Variants in RAD54B observed in about 807,000 individuals in gnomAD.
The protein encoded by RAD54B is DNA repair and recombination protein RAD54B.
RAD54B carries 78 observed loss-of-function variants against 95.8 expected under a neutral mutation model. That is an observed-to-expected ratio of 0.81 (90% CI 0.68 to 0.98). The LOEUF (loss-of-function observed/expected upper bound fraction) is 0.98, where lower values mean the gene tolerates loss of function less well. RAD54B is among the 50% of genes least tolerant of loss of function. The pLI, the probability that RAD54B is intolerant of heterozygous loss-of-function variation, is 0.00. For synonymous variants in RAD54B, 328 were observed against 354.9 expected, an observed-to-expected ratio of 0.92 and a Z score of 0.85; for missense variants, 957 against 1,056.6, an observed-to-expected ratio of 0.91 and a Z score of 1.31.
chr8:94,444,747 T>C (rs1357628146), intron 3 of RAD54B, among the ~76,000 whole-genome samples: 4 of 147,530 alleles, frequency 2.7e-5, no homozygotes, highest in African/African-American at 1.0e-4. Flanking sequence ...AACACCTGAC[T>C]ATAGGCCCCT....
intron 3 of RAD54B, among the ~76,000 whole-genome samples, chr8:94,453,480 G>A (rs1812713182): frequency 6.6e-6 from 1 of 152,106 alleles, no homozygotes; most frequent in Non-Finnish European, 1.5e-5. Flanking sequence ...AGTGAGCCGA[G>A]ATCACGCCAC....
At position 94,441,440 on chromosome 8, in the gene RAD54B, C is replaced by T. The variant is rs1337095248; in HGVS notation, c.304+16828G>A. 1.3e-5 allele frequency among the ~76,000 whole-genome samples: 2 copies of T among 152,086 alleles called. 1 individual carries two copies. Among genetic ancestry groups the T allele is most frequent in the Non-Finnish European group, 2.9e-5 (2 of 68,004 alleles). On this transcript the variant is annotated intron_variant, in intron 3 of 14. Transcript: ENST00000336148. ...CACAGAACTCCAGAAACACGCTTAC[C>T]AGTTTATTATAAAGGATATTACAAA...
intron 10 of RAD54B, 59 bp from the exon 11 acceptor site, chr8:94,387,218 A>G (rs1810910862): frequency 3.0e-6 from 4 of 1,351,156 alleles, no homozygotes; most frequent in Admixed American, 2.6e-5. Flanking sequence ...TTAGGAGGGG[A>G]AAATGCTAAA....
At chr8:94,473,093 C>A (rs1586048095) in intron 1 of RAD54B, among the ~76,000 whole-genome samples, 1 of 152,080 alleles carries the variant, frequency 6.6e-6, no homozygotes, top group African/African-American at 2.4e-5. Flanking sequence ...CCCAAAAGAC[C>A]ATTGCACCCT....
At chr8:94,428,688 T>C (rs1812004779) in intron 3 of RAD54B, 2 of 858,914 alleles carry the variant, frequency 2.3e-6, no homozygotes, top group Non-Finnish European at 2.8e-6. Context: ...CAATCCACAG[T>C]AGTTCAATCT....
intron 3 of RAD54B, among the ~76,000 whole-genome samples, chr8:94,435,934 C>T (rs1023115113): frequency 2.6e-5 from 4 of 151,946 alleles, no homozygotes; most frequent in Non-Finnish European, 4.4e-5. Flanking sequence ...TTATTTTAAA[C>T]GTGTTAGAAA....
chr8:94,422,637 T>A (rs1294453952), intron 3 of RAD54B, among the ~76,000 whole-genome samples: 5 of 105,852 alleles, frequency 4.7e-5, no homozygotes, highest in African/African-American at 7.0e-5. Flanking sequence ...TATATATATA[T>A]ATATATATAT....
chr8:94,409,310 G>A (rs960963492), intron 4 of RAD54B, among the ~76,000 whole-genome samples: 2 of 151,800 alleles, frequency 1.3e-5, no homozygotes, highest in African/African-American at 4.8e-5. Flanking sequence ...CTACCATACA[G>A]GCCAAATAAA....
intron 3 of RAD54B, among the ~76,000 whole-genome samples, chr8:94,436,330 T>C (rs1812258835): frequency 6.6e-6 from 1 of 152,090 alleles, no homozygotes; most frequent in Non-Finnish European, 1.5e-5. Context: ...ACAGAAAAAT[T>C]CCTCATAGCC....
At chr8:94,382,120 A>AC (rs1398055658) in intron 11 of RAD54B, among the ~76,000 whole-genome samples, 1 of 151,762 alleles carries the variant, frequency 6.6e-6, no homozygotes, top group Non-Finnish European at 1.5e-5. Context: ...TCTCAAAAAA[A>AC]AAAAAAAAAA....
intron 3 of RAD54B, among the ~76,000 whole-genome samples, chr8:94,417,307 C>G (rs186145570): frequency 3.3e-5 from 5 of 152,174 alleles, no homozygotes; most frequent in Admixed American, 3.3e-4. Context: ...TGAAAATATT[C>G]TGCAACTGGC....
chr8:94,460,030 T>C (rs958662202), intron 2 of RAD54B, among the ~76,000 whole-genome samples: 2 of 149,118 alleles, frequency 1.3e-5, no homozygotes, highest in African/African-American at 2.5e-5. Flanking sequence ...TGGTGGCGGG[T>C]GCCTGTAGTC....
At chr8:94,457,346 C>A (rs1812801154) in intron 3 of RAD54B, among the ~76,000 whole-genome samples, 2 of 152,158 alleles carry the variant, frequency 1.3e-5, no homozygotes, top group Non-Finnish European at 2.9e-5. Context: ...TGAATCAGCT[C>A]AAAAAGTCTT....
intron 3 of RAD54B, chr8:94,431,913 A>G (rs1027352323): frequency 2.6e-4 from 271 of 1,023,534 alleles, no homozygotes; most frequent in Non-Finnish European, 3.0e-4. Context: ...AAACTTAGGG[A>G]AAAAAAAAAG....
At chr8:94,436,569 T>G in intron 3 of RAD54B, 1 of 1,550,520 alleles carries the variant, frequency 6.4e-7, no homozygotes, top group Non-Finnish European at 8.7e-7. Context: ...CTTTCTTGGT[T>G]GGCTCAGAAA....
At chr8:94,463,507 G>T (rs1812952823) in intron 2 of RAD54B, among the ~76,000 whole-genome samples, 1 of 152,068 alleles carries the variant, frequency 6.6e-6, no homozygotes, top group South Asian at 2.1e-4. Context: ...TTGGAAAAGA[G>T]TCTGTCAGTT....
chr8:94,429,026 G>A (rs576980273), intron 3 of RAD54B: 1 of 983,644 alleles, frequency 1.0e-6, no homozygotes, highest in Non-Finnish European at 1.2e-6. Flanking sequence ...ACAATGAGGA[G>A]AATTATATGC....
At chr8:94,383,893 T>C (rs1810803450) in intron 11 of RAD54B, among the ~76,000 whole-genome samples, 1 of 152,180 alleles carries the variant, frequency 6.6e-6, no homozygotes, top group Non-Finnish European at 1.5e-5. Flanking sequence ...GGTAAGGAGA[T>C]AGAGCAATTT....
At chr8:94,406,160 C>G (rs573276649) in intron 5 of RAD54B, among the ~76,000 whole-genome samples, 77 of 152,026 alleles carry the variant, frequency 5.1e-4, no homozygotes, top group Non-Finnish European at 9.1e-4. Flanking sequence ...ACTAGACACT[C>G]TAAATCTCTA....
Sources: allele counts gnomAD v4.1 joint callset (sites outside exome capture counted in the v4.1 genomes callset), GRCh38; gene constraint gnomAD v4.1.1; transcripts MANE v1.5; gene names NCBI Gene and HGNC (gene_info 2026-07-23, HGNC 2026-07-21).